Variants in SH2D7 observed in about 807,000 individuals in gnomAD.
SH2D7 encodes SH2 domain containing 7.
A neutral mutation model predicts 40.8 loss-of-function variants in SH2D7; 32 were observed. The ratio of observed to expected loss-of-function variants is 0.78; its 90% confidence interval spans 0.59 to 1.05. The LOEUF (loss-of-function observed/expected upper bound fraction) is 1.05, where lower values mean the gene tolerates loss of function less well. SH2D7 is among the 50% of genes least tolerant of loss of function. SH2D7 has a pLI of 0.00. For synonymous variants in SH2D7, 195 were observed against 221.5 expected (o/e 0.88, Z 1.06); for missense variants, 559 against 566.6 (o/e 0.99, Z 0.14).
At chr15:78,100,620 C>T (rs1390094931) in intron 4 of SH2D7, among the ~76,000 whole-genome samples, 1 of 152,122 alleles carries the variant, frequency 6.6e-6, no homozygotes, top group African/African-American at 2.4e-5. Flanking sequence ...TAGCTTGAAC[C>T]CAAGAGGCTG....
At chr15:78,098,276 A>G in intron 3 of SH2D7, 108 bp from the exon 4 acceptor site, 1 of 1,446,504 alleles carries the variant, frequency 6.9e-7, no homozygotes, top group South Asian at 1.3e-5. Flanking sequence ...ACCTGAGGTC[A>G]GAGACCTGGT....
At position 78,100,964 on chromosome 15, in the gene SH2D7, C is replaced by A. The variant is rs773487956; in HGVS notation, c.711C>A (p.Gly237=). ...SSSLLEESFG[G]PSDIIYADLR... is the part of the protein sequence containing the mutation. ...CCCTCCTGGAAGAGTCTTTTGGAGGCCCCAGTGACATCATCTATGCAGACC... is the reference window on the plus strand; with the variant it reads ...CCCTCCTGGAAGAGTCTTTTGGAGGACCCAGTGACATCATCTATGCAGACC... The change falls in exon 5 of 6, where the codon GGC becomes GGA. Residue 237 remains glycine (G), a synonymous_variant. Transcript: ENST00000328828. 1 of 1,613,934 alleles carries A rather than the reference C, an allele frequency of 6.2e-7. No homozygotes were observed. The highest frequency in any genetic ancestry group is 2.2e-5 in the East Asian group (1 of 44,876).
intron 2 of SH2D7, among the ~76,000 whole-genome samples, chr15:78,097,446 A>C (rs911463950): frequency 2.0e-5 from 3 of 152,298 alleles, no homozygotes; most frequent in African/African-American, 7.2e-5. Context: ...CTGGAACTCC[A>C]TCATTGCAGC....
chr15:78,100,908 A>G lies in SH2D7; in HGVS notation c.655A>G (p.Arg219Gly). 2 of 1,613,248 alleles carry G rather than the reference A, an allele frequency of 1.2e-6. No homozygotes were observed. Among genetic ancestry groups the G allele is most frequent in the Non-Finnish European group, 1.7e-6 (2 of 1,179,724 alleles). ...GTCCCTGTCTCCCCAGGCTCCCATC[A>G]GAGTGTCTCCACTCCCTGAGAAGAG... ...SQEESMEAPIRVSPLPEKSSS... is the reference protein window; with the variant it reads ...SQEESMEAPIGVSPLPEKSSS... The change falls in exon 5 of 6, where the codon AGA becomes GGA. Residue 219 changes from arginine to glycine, a missense_variant. By Grantham distance (125) the Arg-to-Gly change is moderately radical (BLOSUM62 -2). Coordinates refer to ENST00000328828, the MANE Select transcript of SH2D7 (RefSeq NM_001101404.2).
chr15:78,099,264 G>A lies in SH2D7; in HGVS notation c.645+668G>A, dbSNP rs528514075. Reference sequence around the variant, plus strand: ...ACTCTTGACCTCAAGTGATCCGCCCGCCTTGGCTAAAGTGCTGGGATTACA... The same window carrying A: ...ACTCTTGACCTCAAGTGATCCGCCCACCTTGGCTAAAGTGCTGGGATTACA... On this transcript the variant is annotated intron_variant, in intron 4 of 5. Transcript: ENST00000328828. Among the ~76,000 whole-genome samples the A allele has an allele frequency of 3.3e-4, 50 of 151,224 alleles. No homozygotes were observed. In the East Asian group the frequency reaches 7.6e-3, roughly 23 times the overall value.
chr15:78,098,629 G>A (rs1269151946), intron 4 of SH2D7, 33 bp downstream of exon 4: 2 of 1,598,902 alleles, frequency 1.3e-6, no homozygotes, highest in Admixed American at 1.7e-5. Context: ...TAGAGTCAGG[G>A]TTGCCAGACC....
upstream of SH2D7, among the ~76,000 whole-genome samples, chr15:78,092,370 C>T (rs981405181): frequency 2.0e-5 from 3 of 152,198 alleles, no homozygotes; most frequent in African/African-American, 4.8e-5. Context: ...CAGGCTGCTA[C>T]GGTGATTGTT....
rs764130129 is a variant in SH2D7 at position 78,098,023 on chromosome 15, G to A, written c.361G>A (p.Glu121Lys). Residue 121 changes from glutamate (E) to lysine (K), a missense_variant, in exon 3 of 6, where the codon GAG becomes AAG. Glu to Lys is a moderately conservative substitution (Grantham distance 56, BLOSUM62 1). Transcript: ENST00000328828. ...GDTQSHSTLA[E>K]LVHHYQEAQL... ...CACCCAGAGCCACAGCACCCTGGCTGAGCTTGTGCACCATTACCAGGAGGC... is the reference window on the plus strand; with the variant it reads ...CACCCAGAGCCACAGCACCCTGGCTAAGCTTGTGCACCATTACCAGGAGGC... The A allele has an allele frequency of 2.5e-6, 4 of 1,614,010 alleles. No individual in the cohort carries two copies. The highest frequency in any genetic ancestry group is 1.7e-5 in the Admixed American group (1 of 60,024).
At chr15:78,103,378 C>T in intron 5 of SH2D7, 87 bp from the exon 6 acceptor site, 4 of 1,491,172 alleles carry the variant, frequency 2.7e-6, no homozygotes, top group South Asian at 1.2e-5. Flanking sequence ...GGCCCCCAAC[C>T]CAAGGTCAAT....
upstream of SH2D7, among the ~76,000 whole-genome samples, chr15:78,091,552 A>G (rs545451801): frequency 1.3e-5 from 2 of 152,224 alleles, no homozygotes; most frequent in Non-Finnish European, 2.9e-5. Context: ...GGCTGACTGC[A>G]CCATCTGCTG....
intron 4 of SH2D7, among the ~76,000 whole-genome samples, chr15:78,099,851 G>C (rs2074000792): frequency 6.6e-6 from 1 of 151,414 alleles, no homozygotes; most frequent in Non-Finnish European, 1.5e-5. Flanking sequence ...CCTCTGCACT[G>C]GCTCTACCAT....
chr15:78,097,426 G>C (rs1020679945), intron 2 of SH2D7, among the ~76,000 whole-genome samples: 4 of 152,298 alleles, frequency 2.6e-5, no homozygotes, highest in Middle Eastern at 3.4e-3. Flanking sequence ...GGCCGAAGAG[G>C]GGGTGGGAGC....
chr15:78,101,863 G>A (rs2074019881), intron 5 of SH2D7, among the ~76,000 whole-genome samples: 1 of 152,178 alleles, frequency 6.6e-6, no homozygotes. Context: ...CTGGGAGCAG[G>A]AGAATGGCCC....
intron 1 of SH2D7, 116 bp from the exon 2 acceptor site, chr15:78,093,996 T>C: frequency 2.1e-6 from 2 of 951,724 alleles, no homozygotes; most frequent in Non-Finnish European, 3.2e-6. Context: ...CTATAAAGGG[T>C]TGGAGGTCTG....
Position 78,101,275 on chromosome 15 carries a change from C to G in SH2D7, c.1022C>G (p.Pro341Arg), listed in dbSNP as rs1269103809. ...CCAAAGCTGAGCCAAGAGGCTCAGC[C>G]CTGCTCCCAGGGCAGCTCTGCAGAT... ...EFPKLSQEAQ[P>R]CSQGSSADIY... The change falls in exon 5 of 6, where the codon CCC becomes CGC. Residue 341 changes from proline to arginine, a missense_variant. By Grantham distance (103) the Pro-to-Arg change is moderately radical. Coordinates refer to ENST00000328828, the MANE Select transcript of SH2D7 (RefSeq NM_001101404.2). 24 of 1,612,222 alleles carry G rather than the reference C, an allele frequency of 1.5e-5. No individual in the cohort carries two copies. The highest frequency in any genetic ancestry group is 2.0e-5 in the Non-Finnish European group (23 of 1,179,220).
chr15:78,092,466 C>T (rs1167153152), upstream of SH2D7: 8 of 1,140,120 alleles, frequency 7.0e-6, no homozygotes, highest in Non-Finnish European at 9.6e-6. Context: ...GACAATGGGG[C>T]TGCTGTGTGC....
intron 2 of SH2D7, 121 bp downstream of exon 2, chr15:78,094,322 C>A: frequency 1.2e-6 from 1 of 827,464 alleles, no homozygotes; most frequent in Non-Finnish European, 1.9e-6. Context: ...ACTCCTGAAT[C>A]CCTCAATCAT....
At chr15:78,100,816 C>T (rs1371887255) in intron 4 of SH2D7, 83 bp from the exon 5 acceptor site, 34 of 1,487,444 alleles carry the variant, frequency 2.3e-5, no homozygotes, top group South Asian at 2.2e-4. Context: ...CAGGGGGCCT[C>T]GGCTTATCTG....
At chr15:78,100,819 C>A in intron 4 of SH2D7, 80 bp from the exon 5 acceptor site, 1 of 1,519,088 alleles carries the variant, frequency 6.6e-7, no homozygotes, top group South Asian at 1.3e-5. Context: ...GGGGCCTCGG[C>A]TTATCTGAGA....
Sources: gnomAD v4.1 joint callset for allele counts (sites outside exome capture counted in the v4.1 genomes callset) on GRCh38, gnomAD v4.1.1 for gene constraint, MANE v1.5 for transcripts, NCBI Gene and HGNC (gene_info 2026-07-23, HGNC 2026-07-21) for gene names.